NUDT14: variants seen among roughly 807,000 people sequenced by gnomAD.
NUDT14 encodes uridine diphosphate glucose pyrophosphatase NUDT14.
Under a neutral mutation model 17.5 loss-of-function variants are expected in NUDT14, and 22 were observed. The observed-to-expected ratio is 1.26, with a 90% CI of 0.90 to 1.80. NUDT14 has a LOEUF of 1.80. Among genes scored for constraint, NUDT14 ranks in the 40% most tolerant of loss-of-function variants. NUDT14 has a pLI of 0.00. For missense variants in NUDT14, 296 were observed against 295.6 expected (o/e 1.00, Z -0.01); for synonymous variants, 129 against 125.8 (o/e 1.03, Z -0.17).
intron 4 of NUDT14, chr14:105,175,731 T>G: frequency 2.0e-6 from 2 of 1,000,524 alleles, no homozygotes; most frequent in Non-Finnish European, 2.4e-6. Flanking sequence ...AACTTGGGAG[T>G]CCACCCATCC....
rs748893001 is a variant in NUDT14 at position 105,176,647 on chromosome 14, G to A, written c.315C>T (p.Ala105=). ...AGAGCCCAGGCTGGTCCACGAGGCC[G>A]GCACACAGCTCAACTGTCACCCCCG... ...GSAGVTVELC[A]GLVDQPGLSL... is the part of the protein sequence containing the mutation. Residue 105 remains alanine (A), a synonymous_variant, in exon 4 of 5, where the codon GCC becomes GCT. Coordinates refer to ENST00000392568, the MANE Select transcript of NUDT14 (RefSeq NM_177533.5). 6.8e-6 allele frequency: 11 copies of A among 1,612,620 alleles called. No homozygotes were observed. Among genetic ancestry groups the A allele is most frequent in the South Asian group, 1.1e-5 (1 of 91,086 alleles).
intron 3 of NUDT14, 95 bp downstream of exon 3, chr14:105,176,868 C>T: frequency 6.4e-7 from 1 of 1,554,520 alleles, no homozygotes; most frequent in South Asian, 1.1e-5. Context: ...TCAGCTTCCC[C>T]TGGAGCCCCC....
rs1205666147 is a variant in NUDT14, at chr14:105,175,914, T to G, written c.428+620A>C. ...GCTGTGGAGGCTGGTGCTCAGCTGG[T>G]GGGGGTGGGGGTCTGTGACACCCTC... On this transcript the variant is annotated intron_variant, in intron 4 of 4. Coordinates refer to ENST00000392568, the MANE Select transcript of NUDT14 (RefSeq NM_177533.5). 7 of 1,209,684 alleles carry G rather than the reference T, an allele frequency of 5.8e-6. No homozygotes were observed. The African/African-American group carries it at 7.9e-5, about 14-fold the overall frequency. 74.9% of individuals were successfully genotyped at this position (1,209,684 alleles called of 1,614,324 possible).
chr14:105,173,426 C>A lies in NUDT14; in HGVS notation c.429-165G>T. On this transcript the variant is annotated intron_variant, in intron 4 of 4. Coordinates refer to ENST00000392568, the MANE Select transcript of NUDT14 (RefSeq NM_177533.5). This position sits in a 1 kb window ranked among gnomAD's most constrained non-coding sequence, Gnocchi z 4.7. ...CACCCGGATTCCCACCTGGTGTGCA[C>A]GCCCGTGGCCCCTCCCGCAGCAGGG... 1 of 686,218 alleles carries A rather than the reference C, an allele frequency of 1.5e-6. No homozygotes were observed. The highest frequency in any genetic ancestry group is 3.4e-5 in the East Asian group (1 of 29,752). The allele number at this position is 686,218 out of a possible 1,614,324, so 42.5% of individuals were successfully genotyped here. A position where few individuals can be genotyped will look rare whatever the true frequency, so the allele number is the denominator to read the frequency against.
Position 105,176,595 on chromosome 14 carries a change from C to A in NUDT14, c.367G>T (p.Ala123Ser). Reference protein sequence around the residue: ...LSLEEVACKEAWEECGYHLAP... With the variant: ...LSLEEVACKESWEECGYHLAP... Reference sequence around the variant, plus strand: ...AAGTGGTAGCCACACTCCTCCCAAGCCTCCTTGCAAGCCACTTCCTCCAGC... The same window carrying A: ...AAGTGGTAGCCACACTCCTCCCAAGACTCCTTGCAAGCCACTTCCTCCAGC... Residue 123 changes from alanine (A) to serine (S), a missense_variant, in exon 4 of 5, where the codon GCT (alanine) becomes TCT (serine). Physicochemically the swap from Ala to Ser is moderately conservative, Grantham distance 99. Coordinates refer to ENST00000392568, the MANE Select transcript of NUDT14 (RefSeq NM_177533.5). 6.2e-7 allele frequency: 1 copy of A among 1,612,766 alleles called. No homozygotes were observed. Among genetic ancestry groups the A allele is most frequent in the Non-Finnish European group, 8.5e-7 (1 of 1,179,968 alleles).
chr14:105,175,022 G>T (rs1464761721), intron 4 of NUDT14, among the ~76,000 whole-genome samples: 1 of 152,182 alleles, frequency 6.6e-6, no homozygotes, highest in Non-Finnish European at 1.5e-5. Context: ...GCCACGGCCT[G>T]CTCTTCCCGA....
chr14:105,175,744 C>A, intron 4 of NUDT14: 3 of 1,007,470 alleles, frequency 3.0e-6, no homozygotes, highest in Non-Finnish European at 3.6e-6. Context: ...ACCCATCCAG[C>A]CAGGAACGTG....
In NUDT14 at chr14:105,173,167, C is replaced by T; in HGVS notation, c.523G>A (p.Glu175Lys). The T allele has an allele frequency of 6.2e-7, 1 of 1,611,092 alleles. No individual in the cohort carries two copies. Among genetic ancestry groups the T allele is most frequent in the South Asian group, 1.1e-5 (1 of 90,804 alleles). The part of the protein sequence containing the change: ...RSGPGGGLVE[E>K]GELIEVVHLP... ...TGCACCACCTCAATGAGCTCACCCT[C>T]CTCCACCAGGCCCCCACCTGGACCG... is the stretch of plus-strand genomic sequence containing the variant. Residue 175 changes from glutamate (E) to lysine (K), a missense_variant, in exon 5 of 5, where the codon GAG becomes AAG. By Grantham distance (56) the Glu-to-Lys change is moderately conservative. Coordinates refer to ENST00000392568, the MANE Select transcript of NUDT14 (RefSeq NM_177533.5). The surrounding 1 kb of genome is among the most constrained non-coding windows in gnomAD (Gnocchi z 4.7).
chr14:105,177,145 G>A, intron 2 of NUDT14, 118 bp from the exon 3 acceptor site: 1 of 926,998 alleles, frequency 1.1e-6, no homozygotes, highest in Non-Finnish European at 1.7e-6. Flanking sequence ...AGCCCAGGGA[G>A]GTCAGGCCCC....
In NUDT14 at chr14:105,179,602, A is replaced by G. The variant is rs138430941; in HGVS notation, c.81+1527T>C. On this transcript the variant is annotated intron_variant, in intron 1 of 4. Transcript: ENST00000392568. ...ACAGAGGGCACCTGCCTGGGCCTGC[A>G]CCTGCTGCCTGAGACCCAGCCCTGT... 3.9e-3 allele frequency among the ~76,000 whole-genome samples: 589 copies of G among 152,308 alleles called. 4 individuals are homozygous for G. The highest frequency in any genetic ancestry group is 7.3e-3 in the Admixed American group (111 of 15,304).
At chr14:105,174,519 C>T (rs965019593) in intron 4 of NUDT14, among the ~76,000 whole-genome samples, 1 of 152,162 alleles carries the variant, frequency 6.6e-6, no homozygotes, top group Non-Finnish European at 1.5e-5. Flanking sequence ...ATGCCCCACC[C>T]CCAAGGCCTC....
At chr14:105,174,872 C>T (rs2141006377) in intron 4 of NUDT14, among the ~76,000 whole-genome samples, 1 of 152,302 alleles carries the variant, frequency 6.6e-6, no homozygotes, top group Non-Finnish European at 1.5e-5. Flanking sequence ...GCCTGGCTCA[C>T]CTCCAGAATC....
chr14:105,180,128 C>T (rs866587622), intron 1 of NUDT14, among the ~76,000 whole-genome samples: 5 of 152,170 alleles, frequency 3.3e-5, no homozygotes, highest in Admixed American at 6.5e-5. Flanking sequence ...TGGAGGAAGA[C>T]GGCCCGGGAC....
chr14:105,174,483 G>C (rs1031412923), intron 4 of NUDT14, among the ~76,000 whole-genome samples: 1 of 152,030 alleles, frequency 6.6e-6, no homozygotes, highest in African/African-American at 2.4e-5. Flanking sequence ...CAACATACAG[G>C]GGCAGGGACA....
chr14:105,174,061 A>AC (rs1372211757), intron 4 of NUDT14, among the ~76,000 whole-genome samples: 6 of 150,532 alleles, frequency 4.0e-5, no homozygotes, highest in African/African-American at 1.5e-4. Context: ...CCGCCCCCCC[A>AC]CCCCCCGTAG....
chr14:105,176,755 C>T lies in NUDT14; in HGVS notation c.207G>A (p.Glu69=). ...KQFRPAVYAG[E]VERRFPGSLA... is the part of the protein sequence containing the mutation. The stretch of plus-strand genomic sequence containing the variant: ...GGGACCCTGGGAAGCGGCGCTCCAC[C>T]TCACCCGCATACACAGCTGCGTGGG... The change falls in exon 4 of 5, where the codon GAG becomes GAA. Residue 69 remains glutamate (E), a synonymous_variant. Transcript: ENST00000392568. 1 of 1,612,526 alleles carries T rather than the reference C, an allele frequency of 6.2e-7. No individual in the cohort carries two copies. Among genetic ancestry groups the T allele is most frequent in the Non-Finnish European group, 8.5e-7 (1 of 1,179,938 alleles).
rs1191555584 is a variant in NUDT14, at chr14:105,176,636, T to C, written c.326A>G (p.Asp109Gly). 2 of 1,612,586 alleles carry C rather than the reference T, an allele frequency of 1.2e-6. No homozygotes were observed. The highest frequency in any genetic ancestry group is 1.7e-6 in the Non-Finnish European group (2 of 1,179,948). ...TTCCTCCAGCGAGAGCCCAGGCTGG[T>C]CCACGAGGCCGGCACACAGCTCAAC... ...VTVELCAGLV[D>G]QPGLSLEEVA... The change falls in exon 4 of 5, where the codon GAC (aspartate) becomes GGC (glycine). Residue 109 changes from aspartate (D) to glycine (G), a missense_variant. By Grantham distance (94) the Asp-to-Gly change is moderately conservative. Coordinates refer to ENST00000392568, the MANE Select transcript of NUDT14 (RefSeq NM_177533.5).
At chr14:105,177,266 G>T (rs749914039) in intron 2 of NUDT14, 18 of 643,284 alleles carry the variant, frequency 2.8e-5, no homozygotes, top group African/African-American at 2.5e-4. Flanking sequence ...GAGGCGGGGG[G>T]CAGGGAAGGA....
At chr14:105,177,870 G>A (rs587655978) in intron 1 of NUDT14, 135 bp from the exon 2 acceptor site, 9 of 733,104 alleles carry the variant, frequency 1.2e-5, no homozygotes, top group Admixed American at 2.6e-5. Flanking sequence ...CGGGAGCCAG[G>A]AACTGCAGCT....
Sources: allele counts gnomAD v4.1 joint callset (sites outside exome capture counted in the v4.1 genomes callset), GRCh38; gene constraint gnomAD v4.1.1; non-coding constraint Gnocchi (gnomAD v3.1); transcripts MANE v1.5; gene names NCBI Gene and HGNC (gene_info 2026-07-23, HGNC 2026-07-21).